The following USP24 variants were observed in gnomAD, a reference collection of about 807,000 sequenced individuals.
USP24 encodes the protein ubiquitin carboxyl-terminal hydrolase 24.
In USP24, 97 loss-of-function variants were observed where a neutral mutation model predicts 361.6. The observed-to-expected ratio is 0.27, with a 90% CI of 0.23 to 0.32. USP24 has a LOEUF of 0.32. USP24 is among the 10% of genes least tolerant of loss of function. USP24 has a pLI of 1.00. For synonymous variants in USP24, 1,098 were observed against 1,124.6 expected, an observed-to-expected ratio of 0.98 and a Z score of 0.47; for missense variants, 2,353 against 3,165.6, an observed-to-expected ratio of 0.74 and a Z score of 6.16.
chr1:55,186,329 G>A (rs1034292191), intron 1 of USP24, among the ~76,000 whole-genome samples: 57 of 152,286 alleles, frequency 3.7e-4, no homozygotes, highest in African/African-American at 1.2e-3. Flanking sequence ...GCTGATAAGA[G>A]TATAAAACTG....
At chr1:55,146,209 G>GTATC in intron 19 of USP24, 100 bp from the exon 20 acceptor site, 1 of 758,406 alleles carries the variant, frequency 1.3e-6, no homozygotes, top group Non-Finnish European at 2.1e-6. Flanking sequence ...TACTTCAAAT[G>GTATC]TTTATACTGT....
In USP24 at chr1:55,133,996, T is replaced by C. The variant is rs529325165; in HGVS notation, c.3381+74A>G. 3.9e-6 allele frequency: 5 copies of C among 1,285,548 alleles called. No homozygotes were observed. The African/African-American group carries it at 5.9e-5, about 15-fold the overall frequency. The allele number at this position is 1,285,548 out of a possible 1,614,324, so 79.6% of individuals were successfully genotyped here. On this transcript the variant is annotated intron_variant, in intron 30 of 67. Transcript: ENST00000294383. ...GAAAGATGGTATCATATGACCTTGA[T>C]GTGATTTCAGGTTGTATTTTCACTC...
chr1:55,156,419 T>C (rs1218944770), intron 12 of USP24, among the ~76,000 whole-genome samples: 1 of 146,530 alleles, frequency 6.8e-6, no homozygotes, highest in Non-Finnish European at 1.5e-5. Flanking sequence ...AGAGAATAAG[T>C]TAGTAAAGGG....
In USP24 at chr1:55,214,802, C is replaced by A; in HGVS notation, c.312G>T (p.Val104=). The stretch of plus-strand genomic sequence containing the variant: ...TGCCCCTCCTCACCTCCGCGTCCAC[C>A]ACCTCGTGGTAGGCGGGCGGGGGGT... ...GFDPPPAYHE[V]VDAEKNDENG... is the part of the protein sequence containing the mutation. Residue 104 remains valine (V), a synonymous_variant, in exon 1 of 68, where the codon GTG becomes GTT. Transcript: ENST00000294383. 1 of 1,224,492 alleles carries A rather than the reference C, an allele frequency of 8.2e-7. No homozygotes were observed. Among genetic ancestry groups the A allele is most frequent in the South Asian group, 4.1e-5 (1 of 24,216 alleles). 75.9% of individuals were successfully genotyped at this position (1,224,492 alleles called of 1,614,324 possible).
At chr1:55,090,625 A>ATT (rs1256390679) in intron 54 of USP24, among the ~76,000 whole-genome samples, 1 of 152,218 alleles carries the variant, frequency 6.6e-6, no homozygotes, top group East Asian at 1.9e-4. Flanking sequence ...GAACTTAAGT[A>ATT]GTCTTTTAAC....
At chr1:55,162,723 C>T (rs1260921913) in intron 7 of USP24, among the ~76,000 whole-genome samples, 2 of 152,066 alleles carry the variant, frequency 1.3e-5, no homozygotes, top group Non-Finnish European at 2.9e-5. Context: ...ATTGTAAAAA[C>T]ATCAATTCTC....
chr1:55,090,759 G>A (rs1338107198), intron 54 of USP24, among the ~76,000 whole-genome samples: 1 of 152,212 alleles, frequency 6.6e-6, no homozygotes, highest in African/African-American at 2.4e-5. Flanking sequence ...AACCTATAAT[G>A]TGCAGGCACC....
chr1:55,157,145 G>A, intron 11 of USP24, 94 bp from the exon 12 acceptor site: 2 of 1,375,684 alleles, frequency 1.5e-6, no homozygotes, highest in Non-Finnish European at 2.0e-6. Flanking sequence ...CTTACTATAA[G>A]ATCATTTAAA....
intron 1 of USP24, among the ~76,000 whole-genome samples, chr1:55,212,362 CAG>C (rs1303275941): frequency 1.3e-5 from 2 of 152,100 alleles, no homozygotes; most frequent in Admixed American, 1.3e-4. Context: ...ATGAGTTGAG[CAG>C]AGTGAAAAGC....
At chr1:55,190,164 CAAAAAAAAAAAA>C (rs397696116) in intron 1 of USP24, among the ~76,000 whole-genome samples, 6 of 78,740 alleles carry the variant, frequency 7.6e-5, no homozygotes, top group African/African-American at 5.6e-5. Flanking sequence ...GACTCCATCT[CAAAAAAAAAAAA>C]AAAAAAAAAG....
intron 17 of USP24, among the ~76,000 whole-genome samples, 187 bp downstream of exon 17, chr1:55,148,273 TAAA>T (rs142185905): frequency 3.6e-5 from 5 of 137,538 alleles, no homozygotes; most frequent in Admixed American, 7.3e-5. Context: ...TTAAGGAGAT[TAAA>T]AAAAAAAAAA....
At chr1:55,108,446 C>A (rs943517908) in intron 39 of USP24, among the ~76,000 whole-genome samples, 4 of 152,100 alleles carry the variant, frequency 2.6e-5, no homozygotes, top group African/African-American at 9.7e-5. Context: ...TGGACTGGGA[C>A]CAGATAGAAA....
Position 55,178,407 on chromosome 1 carries a change from A to G in USP24, c.325-275T>C, listed in dbSNP as rs570835650. 2.6e-5 allele frequency among the ~76,000 whole-genome samples: 4 copies of G among 152,132 alleles called. No individual in the cohort carries two copies. In the South Asian group the frequency reaches 8.3e-4, roughly 32 times the overall value. Reference sequence around the variant, plus strand: ...GTCCAGGCCGGGCGCAGTGGCTCACACCTGTAATCCCAGCACTTTGGGAGG... The same window carrying G: ...GTCCAGGCCGGGCGCAGTGGCTCACGCCTGTAATCCCAGCACTTTGGGAGG... On this transcript the variant is annotated intron_variant, in intron 1 of 67. Transcript: ENST00000294383.
At chr1:55,145,195 AACTTGT>A (rs1646995924) in intron 20 of USP24, among the ~76,000 whole-genome samples, 1 of 152,202 alleles carries the variant, frequency 6.6e-6, no homozygotes, top group Admixed American at 6.5e-5. Flanking sequence ...CCCACTGAAA[AACTTGT>A]ACATGAATGT....
chr1:55,205,429 C>A (rs1243165479), intron 1 of USP24, among the ~76,000 whole-genome samples: 3 of 152,096 alleles, frequency 2.0e-5, no homozygotes, highest in Admixed American at 6.5e-5. Flanking sequence ...GACTCAAATT[C>A]GAAAAGTCCT....
intron 20 of USP24, 65 bp downstream of exon 20, chr1:55,145,928 AAAAGT>A (rs1647017118): frequency 8.8e-7 from 1 of 1,142,848 alleles, no homozygotes; most frequent in Non-Finnish European, 1.3e-6. Context: ...AAGGAGGATT[AAAAGT>A]AAAGGAAAGA....
chr1:55,200,758 T>C (rs1367777146), intron 1 of USP24, among the ~76,000 whole-genome samples: 2 of 152,228 alleles, frequency 1.3e-5, no homozygotes, highest in African/African-American at 4.8e-5. Context: ...TGACATCCTC[T>C]GCAAATCTTC....
intron 28 of USP24, among the ~76,000 whole-genome samples, chr1:55,137,190 A>T (rs1047961592): frequency 6.6e-6 from 1 of 152,230 alleles, no homozygotes; most frequent in Non-Finnish European, 1.5e-5. Flanking sequence ...AATGTCAAGA[A>T]GATGAGGACT....
chr1:55,176,728 T>C (rs555126538), intron 2 of USP24, among the ~76,000 whole-genome samples: 2 of 152,312 alleles, frequency 1.3e-5, no homozygotes, highest in South Asian at 2.1e-4. Context: ...TACATTTCCA[T>C]GTCAGAGTAA....
Sources: allele counts gnomAD v4.1 joint callset (sites outside exome capture counted in the v4.1 genomes callset), GRCh38; gene constraint gnomAD v4.1.1; transcripts MANE v1.5; gene names NCBI Gene and HGNC (gene_info 2026-07-23, HGNC 2026-07-21).